PITPNB: variants seen among roughly 807,000 people sequenced by gnomAD.
PITPNB encodes the protein phosphatidylinositol transfer protein beta isoform.
PITPNB carries 16 observed loss-of-function variants against 45.9 expected under a neutral mutation model. The ratio of observed to expected loss-of-function variants is 0.35; its 90% CI spans 0.24 to 0.53. The LOEUF (loss-of-function observed/expected upper bound fraction) is 0.53, where lower values mean the gene tolerates loss of function less well. PITPNB is among the 20% of genes least tolerant of loss of function. PITPNB has a pLI of 0.93. For synonymous variants in PITPNB, 112 were observed against 108.9 expected (o/e 1.03, Z -0.18); for missense variants, 188 against 330.5 (o/e 0.57, Z 3.34).
intron 8 of PITPNB, among the ~76,000 whole-genome samples, chr22:27,861,369 A>G (rs1049688757): frequency 1.3e-5 from 2 of 152,176 alleles, no homozygotes; most frequent in Admixed American, 6.6e-5. Context: ...CTATGTTATT[A>G]TTGATGATTT....
At chr22:27,909,426 G>C in intron 3 of PITPNB, among the ~76,000 whole-genome samples, 1 of 151,532 alleles carries the variant, frequency 6.6e-6, no homozygotes, top group Non-Finnish European at 1.5e-5. Flanking sequence ...AAACTTAAGG[G>C]AATGTGCAAA....
intron 7 of PITPNB, among the ~76,000 whole-genome samples, chr22:27,890,222 C>T (rs887322593): frequency 6.6e-6 from 1 of 151,884 alleles, no homozygotes; most frequent in East Asian, 1.9e-4. Flanking sequence ...TTCAACACCG[C>T]CCACCCCCAC....
At position 27,919,224 on chromosome 22, in the gene PITPNB, A is replaced by T; in HGVS notation, c.-33T>A. The T allele has an allele frequency of 6.3e-7, 1 of 1,585,188 alleles. No homozygotes were observed. Among genetic ancestry groups the T allele is most frequent in the Non-Finnish European group, 8.6e-7 (1 of 1,156,832 alleles). On this transcript the variant is annotated 5_prime_UTR_variant, in exon 1 of 12. Coordinates refer to ENST00000335272, the MANE Select transcript of PITPNB (RefSeq NM_012399.5). ...GAACCCCCTCACAGCTGCCGCCGAT[A>T]CCACCGCCGCCGCCGCCGCTACCGC...
At chr22:27,905,714 T>C (rs143007305) in intron 3 of PITPNB, among the ~76,000 whole-genome samples, 1 of 152,280 alleles carries the variant, frequency 6.6e-6, no homozygotes, top group Non-Finnish European at 1.5e-5. Context: ...AAATTCCCCA[T>C]CAATCAGGAC....
At chr22:27,908,291 C>A (rs910548129) in intron 3 of PITPNB, among the ~76,000 whole-genome samples, 3 of 144,812 alleles carry the variant, frequency 2.1e-5, no homozygotes, top group Non-Finnish European at 4.6e-5. Context: ...ATCCCACTAC[C>A]AGGTGATAAA....
At chr22:27,897,963 T>G (rs1935481388) in intron 3 of PITPNB, 71 bp from the exon 4 acceptor site, 1 of 1,030,034 alleles carries the variant, frequency 9.7e-7, no homozygotes, top group East Asian at 2.4e-5. Flanking sequence ...TCCAACTGCT[T>G]GAAAGAGTAT....
At chr22:27,906,101 C>T (rs1314478874) in intron 3 of PITPNB, among the ~76,000 whole-genome samples, 1 of 152,030 alleles carries the variant, frequency 6.6e-6, no homozygotes, top group Admixed American at 6.6e-5. Context: ...GAAGAGGGAT[C>T]GAAGTGAATA....
At chr22:27,861,328 T>A (rs1217373315) in intron 8 of PITPNB, among the ~76,000 whole-genome samples, 3 of 151,850 alleles carry the variant, frequency 2.0e-5, no homozygotes, top group African/African-American at 7.3e-5. Context: ...AAGACATAAA[T>A]AAACTGGGGT....
chr22:27,897,772 G>A, intron 4 of PITPNB, 29 bp downstream of exon 4: 1 of 1,403,772 alleles, frequency 7.1e-7, no homozygotes, highest in Non-Finnish European at 1.0e-6. Context: ...GGGTGGAGGG[G>A]TGCAATGGCT....
chr22:27,897,975 G>A (rs113347771), intron 3 of PITPNB, 83 bp from the exon 4 acceptor site: 1 of 917,062 alleles, frequency 1.1e-6, no homozygotes, highest in South Asian at 1.4e-5. Flanking sequence ...AAAGAGTATG[G>A]CAATCAAAGG....
chr22:27,863,621 T>C lies in PITPNB; in HGVS notation c.535-3380A>G, dbSNP rs17388306. 1.6e-3 allele frequency among the ~76,000 whole-genome samples: 244 copies of C among 152,284 alleles called. 4 individuals are homozygous for C. The highest frequency in any genetic ancestry group is 9.7e-3 in the South Asian group (47 of 4,826). ...AGCTTTCTTTTACAACTTCAAATCA[T>C]TGGACACTTTCTACTAAATGAAAAT... On this transcript the variant is annotated intron_variant, in intron 8 of 11. Coordinates refer to ENST00000335272, the MANE Select transcript of PITPNB (RefSeq NM_012399.5).
chr22:27,857,174 C>G (rs1391641007), intron 10 of PITPNB, among the ~76,000 whole-genome samples: 1 of 152,124 alleles, frequency 6.6e-6, no homozygotes, highest in African/African-American at 2.4e-5. Context: ...GCTGGCTAGT[C>G]TAGAAACCAA....
intron 7 of PITPNB, among the ~76,000 whole-genome samples, chr22:27,891,656 ATC>A (rs1935283106): frequency 6.6e-6 from 1 of 152,004 alleles, no homozygotes; most frequent in Non-Finnish European, 1.5e-5. Context: ...TTCTCACAAG[ATC>A]TGTTTAGGAG....
chr22:27,918,595 C>T (rs924774316), intron 1 of PITPNB, among the ~76,000 whole-genome samples: 7 of 152,248 alleles, frequency 4.6e-5, no homozygotes, highest in African/African-American at 7.2e-5. Flanking sequence ...AGAGAAAAGG[C>T]TCTCCCGTCA....
chr22:27,919,134 C>A, intron 1 of PITPNB, 38 bp downstream of exon 1: 1 of 1,614,026 alleles, frequency 6.2e-7, no homozygotes, highest in Non-Finnish European at 8.5e-7. Context: ...CCATCACTGC[C>A]GTCCCACGGC....
intron 7 of PITPNB, among the ~76,000 whole-genome samples, chr22:27,878,007 A>G (rs889410425): frequency 1.3e-5 from 2 of 152,200 alleles, no homozygotes; most frequent in African/African-American, 4.8e-5. Flanking sequence ...AAAGCTTGAG[A>G]GAGACATTAG....
intron 8 of PITPNB, among the ~76,000 whole-genome samples, chr22:27,861,690 G>C (rs1247029873): frequency 4.6e-5 from 7 of 152,124 alleles, no homozygotes; most frequent in Admixed American, 2.0e-4. Context: ...GTATGGTCTG[G>C]GGAAAAGAGC....
At chr22:27,898,968 C>A (rs1248709275) in intron 3 of PITPNB, among the ~76,000 whole-genome samples, 2 of 152,154 alleles carry the variant, frequency 1.3e-5, no homozygotes, top group Non-Finnish European at 2.9e-5. Flanking sequence ...GTGACTGGAG[C>A]CTACTGTAAA....
In PITPNB at chr22:27,853,476, G is replaced by A. The variant is rs1934085249; in HGVS notation, c.*226C>T. ...TGTATCTGGATCTGTAGCTCTACAT[G>A]CGCTTTATATACAGCTACAGACATA... On this transcript the variant is annotated 3_prime_UTR_variant, in exon 12 of 12. Transcript: ENST00000335272. 2 of 672,676 alleles carry A rather than the reference G, an allele frequency of 3.0e-6. No homozygotes were observed. Among genetic ancestry groups the A allele is most frequent in the Non-Finnish European group, 5.3e-6 (2 of 375,606 alleles). 41.7% of individuals were successfully genotyped at this position (672,676 alleles called of 1,614,324 possible). A position where few individuals can be genotyped will look rare whatever the true frequency, so the allele number is the denominator to read the frequency against.
Sources: gnomAD v4.1 joint callset for allele counts (sites outside exome capture counted in the v4.1 genomes callset) on GRCh38, gnomAD v4.1.1 for gene constraint, MANE v1.5 for transcripts, NCBI Gene and HGNC (gene_info 2026-07-23, HGNC 2026-07-21) for gene names.